Variants in ATRNL1 observed in about 807,000 individuals in gnomAD.
The protein encoded by ATRNL1 is attractin like 1, also known as attractin-like protein 1.
In ATRNL1, 95 loss-of-function variants were observed where a neutral mutation model predicts 182.7. The ratio of observed to expected loss-of-function variants is 0.52; its 90% CI spans 0.44 to 0.62. The LOEUF (loss-of-function observed/expected upper bound fraction) is 0.62. Ranked by LOEUF, ATRNL1 falls within the 20% of genes least tolerant of loss-of-function variation. The pLI is 0.00. For synonymous variants in ATRNL1, 576 were observed against 568.3 expected (o/e 1.01, Z -0.19); for missense variants, 1,471 against 1,679.5 (o/e 0.88, Z 2.17).
intron 20 of ATRNL1, 139 bp downstream of exon 20, chr10:115,394,891 G>C: frequency 1.5e-6 from 1 of 657,034 alleles, no homozygotes; most frequent in Non-Finnish European, 2.5e-6. Flanking sequence ...TTTTAGATTT[G>C]AGGGTACATG....
At chr10:115,803,096 T>G (rs1298307978) in intron 27 of ATRNL1, among the ~76,000 whole-genome samples, 1 of 152,214 alleles carries the variant, frequency 6.6e-6, no homozygotes, top group Non-Finnish European at 1.5e-5. Context: ...CAGCCAGTAC[T>G]AGAAATGCTG....
chr10:115,337,862 G>A (rs1855566920), intron 19 of ATRNL1, among the ~76,000 whole-genome samples: 1 of 152,062 alleles, frequency 6.6e-6, no homozygotes, highest in South Asian at 2.1e-4. Context: ...CCACGGATGG[G>A]GTGGTGGTGG....
intron 27 of ATRNL1, among the ~76,000 whole-genome samples, chr10:115,823,084 C>T (rs139449452): frequency 0.016 from 2,476 of 152,216 alleles, 83 homozygotes; most frequent in African/African-American, 0.057. Context: ...TTATTCACCA[C>T]GATCAAGTCA....
chr10:115,779,053 G>C (rs1311720340), intron 27 of ATRNL1, among the ~76,000 whole-genome samples: 3 of 152,130 alleles, frequency 2.0e-5, no homozygotes, highest in African/African-American at 7.2e-5. Flanking sequence ...AAATTCCCTA[G>C]AAACAGTATT....
intron 8 of ATRNL1, among the ~76,000 whole-genome samples, chr10:115,199,818 G>C (rs140610941): frequency 2.0e-5 from 3 of 152,198 alleles, no homozygotes; most frequent in Non-Finnish European, 4.4e-5. Flanking sequence ...GAATTAACAG[G>C]ACTAAAACAT....
At position 115,408,230 on chromosome 10, in the gene ATRNL1, C is replaced by G. The variant is rs1169918995; in HGVS notation, c.3269+13478C>G. 2.6e-5 allele frequency among the ~76,000 whole-genome samples: 4 copies of G among 151,726 alleles called. No homozygotes were observed. In the East Asian group the frequency reaches 5.8e-4, roughly 22 times the overall value. On this transcript the variant is annotated intron_variant, in intron 20 of 28. Coordinates refer to ENST00000355044, the MANE Select transcript of ATRNL1 (RefSeq NM_207303.4). ...TTGTTAGCCAGGATGGTCTCGATCT[C>G]CTGACCTCATGATCCACCCGCCTCG...
At chr10:115,663,975 A>G (rs566518581) in intron 26 of ATRNL1, among the ~76,000 whole-genome samples, 47 of 152,140 alleles carry the variant, frequency 3.1e-4, no homozygotes, top group African/African-American at 1.1e-3. Context: ...CCACTGCTTG[A>G]CCCATACCAT....
intron 26 of ATRNL1, among the ~76,000 whole-genome samples, chr10:115,562,825 T>A (rs1555000200): frequency 6.6e-6 from 1 of 152,208 alleles, no homozygotes; most frequent in African/African-American, 2.4e-5. Flanking sequence ...GTCTCAAGTA[T>A]GTCTTGCACA....
rs74158391 is a variant in ATRNL1 at position 115,588,813 on chromosome 10, A to G, written c.3795+39277A>G. Among the ~76,000 whole-genome samples the G allele has an allele frequency of 9.9e-3, 1,515 of 152,336 alleles. 18 individuals are homozygous for G. The highest frequency in any genetic ancestry group is 0.034 in the African/African-American group (1,429 of 41,586). On this transcript the variant is annotated intron_variant, in intron 26 of 28. Coordinates refer to ENST00000355044, the MANE Select transcript of ATRNL1 (RefSeq NM_207303.4). ...GTGTAGCTGTTTATTTAGTGCATCTATGGAAGGAGGGAAAATCAAGAGCTT... is the reference window on the plus strand; with the variant it reads ...GTGTAGCTGTTTATTTAGTGCATCTGTGGAAGGAGGGAAAATCAAGAGCTT...
chr10:115,410,301 T>C (rs1430138995), intron 20 of ATRNL1, among the ~76,000 whole-genome samples: 1 of 151,982 alleles, frequency 6.6e-6, no homozygotes, highest in African/African-American at 2.4e-5. Flanking sequence ...TTCAGAAAGT[T>C]TAGCCATTTC....
intron 16 of ATRNL1, among the ~76,000 whole-genome samples, chr10:115,301,314 C>A (rs982527497): frequency 6.6e-6 from 1 of 152,076 alleles, no homozygotes; most frequent in Admixed American, 6.6e-5. Flanking sequence ...ACATTCCCAC[C>A]AGCAGTGCAC....
At chr10:115,482,735 G>A (rs1453063718) in intron 24 of ATRNL1, among the ~76,000 whole-genome samples, 1 of 151,028 alleles carries the variant, frequency 6.6e-6, no homozygotes, top group Non-Finnish European at 1.5e-5. Context: ...CTTCATATAG[G>A]AAGCTCAGAG....
chr10:115,932,073 T>C (rs1953413791), intron 28 of ATRNL1, among the ~76,000 whole-genome samples: 1 of 152,132 alleles, frequency 6.6e-6, no homozygotes, highest in Non-Finnish European at 1.5e-5. Context: ...CAATCTATAG[T>C]AGCTTGGAGG....
intron 15 of ATRNL1, among the ~76,000 whole-genome samples, chr10:115,287,905 T>C (rs527865406): frequency 2.0e-5 from 3 of 151,502 alleles, no homozygotes; most frequent in African/African-American, 4.8e-5. Flanking sequence ...CTCTACATTT[T>C]ACTTCTATAA....
At chr10:115,275,902 G>A (rs1592366020) in intron 13 of ATRNL1, among the ~76,000 whole-genome samples, 1 of 152,214 alleles carries the variant, frequency 6.6e-6, no homozygotes, top group African/African-American at 2.4e-5. Flanking sequence ...CCACCTTTTG[G>A]TCTATGTTTT....
At chr10:115,336,238 A>G (rs1855476019) in intron 19 of ATRNL1, among the ~76,000 whole-genome samples, 3 of 152,184 alleles carry the variant, frequency 2.0e-5, no homozygotes, top group Admixed American at 2.0e-4. Flanking sequence ...TGCAGGAGTT[A>G]TGTTCATATG....
chr10:115,285,917 C>T (rs1852589233), intron 14 of ATRNL1, among the ~76,000 whole-genome samples: 1 of 151,964 alleles, frequency 6.6e-6, no homozygotes, highest in South Asian at 2.1e-4. Context: ...AGTGATTTTA[C>T]TTATTGAAAT....
chr10:115,281,369 C>T lies in ATRNL1; in HGVS notation c.2115C>T (p.Tyr705=), dbSNP rs1265433398. ...NSNCSMSVKN[Y]TKCHVRNEQI... is the part of the protein sequence containing the mutation. ...TAATTTTGTAGTCTGTCAAGAACTACACCAAATGTCATGTGAGAAATGAGC... is the reference window on the plus strand; with the variant it reads ...TAATTTTGTAGTCTGTCAAGAACTATACCAAATGTCATGTGAGAAATGAGC... Residue 705 remains tyrosine (Y), a synonymous_variant, in exon 14 of 29, where the codon TAC becomes TAT. Transcript: ENST00000355044. The T allele has an allele frequency of 2.5e-6, 4 of 1,611,978 alleles. No individual in the cohort carries two copies. The highest frequency in any genetic ancestry group is 3.4e-6 in the Non-Finnish European group (4 of 1,179,032).
chr10:115,417,396 A>C (rs527627313), intron 20 of ATRNL1, among the ~76,000 whole-genome samples: 3 of 152,156 alleles, frequency 2.0e-5, no homozygotes, highest in African/African-American at 7.2e-5. Context: ...TGTGAGTCTG[A>C]GCCTCCTTGA....
Sources: gnomAD v4.1 joint callset for allele counts (sites outside exome capture counted in the v4.1 genomes callset) on GRCh38, gnomAD v4.1.1 for gene constraint, MANE v1.5 for transcripts, NCBI Gene and HGNC (gene_info 2026-07-23, HGNC 2026-07-21) for gene names.